Variants in MBP observed in about 807,000 individuals in gnomAD.
MBP encodes myelin basic protein, also known as Golli-MBP.
MBP carries 16 observed loss-of-function variants against 35.8 expected under a neutral mutation model. That is an observed-to-expected ratio of 0.45 (90% CI 0.30 to 0.68). The LOEUF is 0.68. Ranked by LOEUF, MBP falls within the 30% of genes least tolerant of loss-of-function variation. The probability of loss-of-function intolerance (pLI) is 0.08; values close to 1 mark genes in which losing one functional copy is unlikely to be tolerated. For missense variants in MBP, 380 were observed against 404.7 expected (o/e 0.94, Z 0.52); for synonymous variants, 143 against 159.6 (o/e 0.90, Z 0.78).
At chr18:76,990,471 CAG>C (rs1391849108) in intron 4 of MBP, among the ~76,000 whole-genome samples, 1 of 152,070 alleles carries the variant, frequency 6.6e-6, no homozygotes, top group East Asian at 1.9e-4. Context: ...CTATATCACT[CAG>C]GGGATGGTGA....
In MBP at chr18:77,004,948, C is replaced by A. The variant is rs567763225; in HGVS notation, c.576+11884G>T. On this transcript the variant is annotated intron_variant, in intron 4 of 8. Transcript: ENST00000355994. ...AAGCTCCCGTGGCCTCCTTTGGGGG[C>A]CTTTGCCTCTGTCCGCTGGTGATAC... 5 of 152,300 alleles carry A rather than the reference C, an allele frequency of 3.3e-5. No individual in the cohort carries two copies. The East Asian group carries it at 9.7e-4, about 29-fold the overall frequency. 9.4% of individuals were successfully genotyped at this position (152,300 alleles called of 1,614,324 possible).
chr18:77,080,776 T>C (rs2144918004), intron 2 of MBP, among the ~76,000 whole-genome samples: 1 of 152,292 alleles, frequency 6.6e-6, no homozygotes, highest in East Asian at 1.9e-4. Context: ...CTCTGCCTCC[T>C]GGGTTCGAGC....
intron 4 of MBP, among the ~76,000 whole-genome samples, chr18:77,010,589 A>T (rs186097694): frequency 3.1e-4 from 47 of 152,332 alleles, no homozygotes; most frequent in Non-Finnish European, 6.5e-4. Context: ...AATTACTTAA[A>T]GTTGATTTTC....
At chr18:77,119,605 C>T (rs73970920) in intron 1 of MBP, among the ~76,000 whole-genome samples, 198 of 151,324 alleles carry the variant, frequency 1.3e-3, no homozygotes, top group African/African-American at 4.7e-3. Flanking sequence ...TACCTCAAGC[C>T]GCGCCCACAC....
Position 77,044,679 on chromosome 18 carries a change from C to A in MBP, c.139+21619G>T, listed in dbSNP as rs758537277. On this transcript the variant is annotated intron_variant, in intron 3 of 8. Coordinates refer to ENST00000355994, the MANE Select transcript of MBP (RefSeq NM_001025101.2). The surrounding 1 kb of genome is among the most constrained non-coding windows in gnomAD (Gnocchi z 4.4). ...ACACACACGAGGGGCCCCGGAATCA[C>A]CTGCCACGTGAATAAACAAAGTCAG... Among the ~76,000 whole-genome samples the A allele has an allele frequency of 1.3e-5, 2 of 152,180 alleles. No homozygotes were observed. The highest frequency in any genetic ancestry group is 2.4e-5 in the African/African-American group (1 of 41,428).
chr18:76,984,998 C>T (rs543940065), intron 7 of MBP, 104 bp from the exon 8 acceptor site: 120 of 1,552,176 alleles, frequency 7.7e-5, no homozygotes, highest in South Asian at 2.3e-5. Flanking sequence ...GCCCAGGCCC[C>T]GGACTGGACT....
At chr18:77,033,492 A>C (rs1429337240) in intron 3 of MBP, among the ~76,000 whole-genome samples, 1 of 151,996 alleles carries the variant, frequency 6.6e-6, no homozygotes, top group Non-Finnish European at 1.5e-5. Context: ...ATGTTTCTAA[A>C]ACTACTCTGG....
In MBP at chr18:76,984,893, C is replaced by G; in HGVS notation, c.752G>C (p.Gly251Ala). 2 of 1,613,200 alleles carry G rather than the reference C, an allele frequency of 1.2e-6. No homozygotes were observed. The highest frequency in any genetic ancestry group is 1.7e-5 in the Admixed American group (1 of 60,034). The change falls in exon 8 of 9, where the codon GGG becomes GCG. Residue 251 changes from glycine (G) to alanine (A), a missense_variant and splice_region_variant. Transcript: ENST00000355994. Reference sequence around the variant, plus strand: ...AAATCCTGGTCTCTGGCCTTCGGCCCCCTGCAAGAGAAGACCACGGAGCTC... The same window carrying G: ...AAATCCTGGTCTCTGGCCTTCGGCCGCCTGCAAGAGAAGACCACGGAGCTC... ...RGLSLSRFSW[G>A]AEGQRPGFGY...
chr18:76,980,623 A>G lies in MBP; in HGVS notation c.871-152T>C, dbSNP rs191984186. 1,138 of 639,524 alleles carry G rather than the reference A, an allele frequency of 1.8e-3. 1 individual carries two copies. The highest frequency in any genetic ancestry group is 3.5e-3 in the Admixed American group (130 of 37,316). The allele number at this position is 639,524 out of a possible 1,614,324, so 39.6% of individuals were successfully genotyped here. Reference sequence around the variant, plus strand: ...GGCACCCCGGAGAGCTGGTCTTTTCATTCCATTTCTCCCGACCTCCCTCAG... The same window carrying G: ...GGCACCCCGGAGAGCTGGTCTTTTCGTTCCATTTCTCCCGACCTCCCTCAG... On this transcript the variant is annotated intron_variant, in intron 8 of 8. Coordinates refer to ENST00000355994, the MANE Select transcript of MBP (RefSeq NM_001025101.2).
intron 3 of MBP, among the ~76,000 whole-genome samples, chr18:77,064,613 G>A (rs1974115136): frequency 6.6e-6 from 1 of 152,144 alleles, no homozygotes; most frequent in African/African-American, 2.4e-5. Context: ...AAGAAGGATG[G>A]AATTGTAGAA....
chr18:76,993,430 T>G (rs988146855), intron 4 of MBP, among the ~76,000 whole-genome samples: 3 of 151,416 alleles, frequency 2.0e-5, no homozygotes, highest in Non-Finnish European at 4.4e-5. Context: ...CGTGTGCCTA[T>G]AGTCCCAGCT....
At position 77,131,867 on chromosome 18, in the gene MBP, G is replaced by A. The variant is rs894414329; in HGVS notation, c.-26+713C>T. On this transcript the variant is annotated intron_variant, in intron 1 of 8. Transcript: ENST00000355994. This position sits in a 1 kb window ranked among gnomAD's most constrained non-coding sequence, Gnocchi z 5.5. The stretch of plus-strand genomic sequence containing the variant: ...CGGCGGGCGGCTGCGGGCGGCGCAC[G>A]TGGGCCCAGGTGGGCGCAGCGACGG... Among the ~76,000 whole-genome samples the A allele has an allele frequency of 8.5e-5, 13 of 152,058 alleles. No individual in the cohort carries two copies. The highest frequency in any genetic ancestry group is 1.8e-4 in the Non-Finnish European group (12 of 67,982).
chr18:77,012,282 G>T (rs1306791792), intron 4 of MBP, among the ~76,000 whole-genome samples: 1 of 152,142 alleles, frequency 6.6e-6, no homozygotes, highest in Non-Finnish European at 1.5e-5. Context: ...GCTCCCGGGG[G>T]GCCCTGTGGG....
At position 77,131,083 on chromosome 18, in the gene MBP, GCGCACACACACACA is replaced by G. The variant is rs71174611; in HGVS notation, c.-26+1483_-26+1496del. ...AAAACACACACACGCGCGCACGCAC[GCGCACACACACACA>G]CACACACACACACACACACACACCC... On this transcript the variant is annotated intron_variant, in intron 1 of 8. Coordinates refer to ENST00000355994, the MANE Select transcript of MBP (RefSeq NM_001025101.2). This position sits in a 1 kb window ranked among gnomAD's most constrained non-coding sequence, Gnocchi z 5.5. Among the ~76,000 whole-genome samples the G allele has an allele frequency of 0.035, 1,519 of 43,686 alleles. 20 individuals are homozygous for G. Among genetic ancestry groups the G allele is most frequent in the Non-Finnish European group, 0.064 (1,099 of 17,210 alleles). 28.7% of individuals were successfully genotyped at this position (43,686 alleles called of 152,430 possible). A position where few individuals can be genotyped will look rare whatever the true frequency, so the allele number is the denominator to read the frequency against.
intron 3 of MBP, among the ~76,000 whole-genome samples, chr18:77,028,384 C>G (rs1972322482): frequency 7.8e-6 from 1 of 128,528 alleles, no homozygotes; most frequent in African/African-American, 2.7e-5. Flanking sequence ...TCTCCCATGT[C>G]TACCTCTTTC....
At chr18:77,051,104 G>GATTCTATT (rs1297139805) in intron 3 of MBP, among the ~76,000 whole-genome samples, 5 of 152,186 alleles carry the variant, frequency 3.3e-5, no homozygotes, top group African/African-American at 1.2e-4. Context: ...TAGCATGTAA[G>GATTCTATT]ATTCTATTAT....
At chr18:77,132,365 C>T (rs1977313083) in intron 1 of MBP, among the ~76,000 whole-genome samples, 1 of 152,152 alleles carries the variant, frequency 6.6e-6, no homozygotes, top group South Asian at 2.1e-4. Flanking sequence ...ACCTGCTCGG[C>T]CACCTGCTCC....
intron 4 of MBP, chr18:77,016,588 A>G (rs1971652217): frequency 7.3e-7 from 1 of 1,378,838 alleles, no homozygotes; most frequent in East Asian, 2.6e-5. Flanking sequence ...ATGTCCTTAC[A>G]TTCCTGAGCC....
At chr18:77,090,623 A>G (rs1674724) in intron 2 of MBP, among the ~76,000 whole-genome samples, 125,817 of 152,176 alleles carry the variant, frequency 0.83, 52,367 homozygotes, top group East Asian at 0.97. Context: ...TGATGGCCCC[A>G]TGCTCTCTCC....
Sources: allele counts gnomAD v4.1 joint callset (sites outside exome capture counted in the v4.1 genomes callset), GRCh38; gene constraint gnomAD v4.1.1; non-coding constraint Gnocchi (gnomAD v3.1); transcripts MANE v1.5; gene names NCBI Gene and HGNC (gene_info 2026-07-23, HGNC 2026-07-21).